COL4A2: variants seen among roughly 807,000 people sequenced by gnomAD.
COL4A2 encodes the protein collagen type IV alpha 2 chain, also known as collagen alpha-2(IV) chain.
COL4A2 carries 99 observed loss-of-function variants against 200.2 expected under a neutral mutation model. The observed-to-expected ratio is 0.49, with a 90% CI of 0.42 to 0.58. The LOEUF (loss-of-function observed/expected upper bound fraction) is 0.58. Among genes scored for constraint, COL4A2 ranks in the 20% least tolerant of loss-of-function variants. COL4A2 has a pLI of 0.00. For synonymous variants in COL4A2, 897 were observed against 900.6 expected, an observed-to-expected ratio of 1.00 and a Z score of 0.07; for missense variants, 1,950 against 2,314.1, an observed-to-expected ratio of 0.84 and a Z score of 3.23.
intron 4 of COL4A2, among the ~76,000 whole-genome samples, chr13:110,396,093 A>C (rs1879171218): frequency 6.6e-6 from 1 of 152,230 alleles, no homozygotes; most frequent in Admixed American, 6.5e-5. Context: ...TCTTTAAAGC[A>C]GTTCTGGATT....
chr13:110,469,806 A>C (rs1453870482), intron 28 of COL4A2, among the ~76,000 whole-genome samples: 1 of 151,764 alleles, frequency 6.6e-6, no homozygotes, highest in East Asian at 1.9e-4. Flanking sequence ...CATGCTCTGG[A>C]ATGCAGCCAG....
chr13:110,357,792 A>T (rs184324333), intron 4 of COL4A2, among the ~76,000 whole-genome samples: 8 of 152,330 alleles, frequency 5.3e-5, no homozygotes, highest in African/African-American at 1.9e-4. Context: ...TACTATTTGT[A>T]TATCTAAATA....
At chr13:110,451,473 G>A (rs1881535606) in intron 20 of COL4A2, among the ~76,000 whole-genome samples, 1 of 152,214 alleles carries the variant, frequency 6.6e-6, no homozygotes, top group African/African-American at 2.4e-5. Context: ...GTTCTGCAGG[G>A]CTTGGGAGGC....
intron 38 of COL4A2, among the ~76,000 whole-genome samples, chr13:110,492,538 C>T (rs1883318546): frequency 6.6e-6 from 1 of 152,194 alleles, no homozygotes; most frequent in Non-Finnish European, 1.5e-5. Flanking sequence ...GGGCCACCCC[C>T]GGGGCCTCCT....
chr13:110,442,087 CAAAAA>C (rs10530153), intron 16 of COL4A2, among the ~76,000 whole-genome samples: 10 of 47,626 alleles, frequency 2.1e-4, no homozygotes, highest in African/African-American at 1.1e-3. Context: ...CTCTCTGTCT[CAAAAA>C]AAAAAAAAAA....
chr13:110,323,470 A>G (rs985103601), intron 3 of COL4A2, among the ~76,000 whole-genome samples: 1 of 152,216 alleles, frequency 6.6e-6, no homozygotes, highest in Non-Finnish European at 1.5e-5. Context: ...GCTAAATATA[A>G]TGTCTCTGCA....
chr13:110,443,430 T>C (rs1227904460), intron 16 of COL4A2, among the ~76,000 whole-genome samples: 1 of 152,228 alleles, frequency 6.6e-6, no homozygotes, highest in Non-Finnish European at 1.5e-5. Flanking sequence ...AGCTAGTCCC[T>C]GAGGACTTCT....
chr13:110,474,832 C>T lies in COL4A2; in HGVS notation c.2425+1682C>T, dbSNP rs533298526. On this transcript the variant is annotated intron_variant, in intron 29 of 47. Coordinates refer to ENST00000360467, the MANE Select transcript of COL4A2 (RefSeq NM_001846.4). ...GATCACACATGCACGTACCCACACA[C>T]GTGCCTGTGCATGCTCAAACATGAT... Among the ~76,000 whole-genome samples the T allele has an allele frequency of 1.6e-4, 24 of 151,666 alleles. 2 individuals are homozygous for T. The highest frequency in any genetic ancestry group is 5.8e-4 in the African/African-American group (24 of 41,318).
chr13:110,512,373 G>T lies in COL4A2; in HGVS notation c.*182G>T. 3 of 1,050,440 alleles carry T rather than the reference G, an allele frequency of 2.9e-6. No individual in the cohort carries two copies. Among genetic ancestry groups the T allele is most frequent in the Non-Finnish European group, 4.0e-6 (3 of 751,682 alleles). 65.1% of individuals were successfully genotyped at this position (1,050,440 alleles called of 1,614,324 possible). ...CACCGAGCGGGTGCAAGCACTCGGG[G>T]TCCCTGGAGGGCAAGCCCTGCCCAC... is the stretch of plus-strand genomic sequence containing the variant. On this transcript the variant is annotated 3_prime_UTR_variant, in exon 48 of 48. Transcript: ENST00000360467.
rs534892747 is a variant in COL4A2, at chr13:110,474,951, C to G, written c.2425+1801C>G. Reference sequence around the variant, plus strand: ...ACCCACACACGTGCCTGTGCACACACGATCACACACACGTACATACCCACA... The same window carrying G: ...ACCCACACACGTGCCTGTGCACACAGGATCACACACACGTACATACCCACA... On this transcript the variant is annotated intron_variant, in intron 29 of 47. Coordinates refer to ENST00000360467, the MANE Select transcript of COL4A2 (RefSeq NM_001846.4). Among the ~76,000 whole-genome samples the G allele has an allele frequency of 6.8e-4, 97 of 142,210 alleles. 5 individuals are homozygous for G. Among genetic ancestry groups the G allele is most frequent in the African/African-American group, 2.1e-3 (83 of 38,696 alleles). The allele number at this position is 142,210 out of a possible 152,430, so 93.3% of individuals were successfully genotyped here.
At chr13:110,312,911 T>C (rs1885024399) in intron 3 of COL4A2, among the ~76,000 whole-genome samples, 3 of 152,212 alleles carry the variant, frequency 2.0e-5, no homozygotes. Context: ...ATCTCTCAGG[T>C]GATCAACATA....
chr13:110,352,999 C>T (rs866273012), intron 3 of COL4A2, among the ~76,000 whole-genome samples: 18 of 152,284 alleles, frequency 1.2e-4, no homozygotes, highest in Middle Eastern at 3.4e-3. Flanking sequence ...GCCAGGCACA[C>T]CTGCAGGGGG....
intron 46 of COL4A2, among the ~76,000 whole-genome samples, chr13:110,507,004 G>GC (rs570678820): frequency 6.2e-4 from 94 of 152,276 alleles, no homozygotes; most frequent in African/African-American, 2.2e-3. Flanking sequence ...CTCCCATACA[G>GC]CCCCCCGAGG....
Position 110,504,029 on chromosome 13 carries a change from G to A in COL4A2, c.4285+36G>A, listed in dbSNP as rs113156544. The stretch of plus-strand genomic sequence containing the variant: ...GAGCTGGGGCCTGGAGCCCCTCGGG[G>A]CTGCCCGGGCAAGGCCAGGGCCTGC... On this transcript the variant is annotated intron_variant, in intron 44 of 47. Coordinates refer to ENST00000360467, the MANE Select transcript of COL4A2 (RefSeq NM_001846.4). 2.0e-3 allele frequency: 3,166 copies of A among 1,560,142 alleles called. 48 individuals are homozygous for A. The African/African-American group carries it at 0.037, about 18-fold the overall frequency.
At chr13:110,396,742 T>TG (rs1879194838) in intron 4 of COL4A2, among the ~76,000 whole-genome samples, 1 of 114,754 alleles carries the variant, frequency 8.7e-6, no homozygotes, top group Non-Finnish European at 1.8e-5. Flanking sequence ...CGTTTTTTCT[T>TG]GTGAGGAGAG....
intron 3 of COL4A2, among the ~76,000 whole-genome samples, chr13:110,337,173 G>A (rs1876231643): frequency 6.6e-6 from 1 of 152,252 alleles, no homozygotes; most frequent in African/African-American, 2.4e-5. Flanking sequence ...AGTGACAGTT[G>A]CAGTCCTGGC....
At chr13:110,376,907 C>T (rs1468987055) in intron 4 of COL4A2, among the ~76,000 whole-genome samples, 1 of 152,168 alleles carries the variant, frequency 6.6e-6, no homozygotes, top group Non-Finnish European at 1.5e-5. Context: ...ATAGATAATT[C>T]ATTGTGTGCC....
At chr13:110,472,872 T>C in intron 28 of COL4A2, 57 bp from the exon 29 acceptor site, 2 of 1,508,100 alleles carry the variant, frequency 1.3e-6, no homozygotes, top group South Asian at 1.2e-5. Flanking sequence ...TTGACTCTTC[T>C]CTTAGAACGT....
intron 3 of COL4A2, among the ~76,000 whole-genome samples, chr13:110,325,522 C>T (rs927878350): frequency 2.0e-5 from 3 of 152,156 alleles, no homozygotes; most frequent in African/African-American, 4.8e-5. Context: ...AGAAGTGTCT[C>T]CCAGGGAAAT....
Sources: gnomAD v4.1 joint callset for allele counts (sites outside exome capture counted in the v4.1 genomes callset) on GRCh38, gnomAD v4.1.1 for gene constraint, MANE v1.5 for transcripts, NCBI Gene and HGNC (gene_info 2026-07-23, HGNC 2026-07-21) for gene names.